Variants in LMOD2 observed in about 807,000 individuals in gnomAD.
LMOD2 encodes leiomodin 2.
LMOD2 carries 27 observed loss-of-function variants against 41.7 expected under a neutral mutation model. The observed-to-expected ratio is 0.65, with a 90% CI of 0.48 to 0.89. The LOEUF is 0.89. Among genes scored for constraint, LMOD2 ranks in the 40% least tolerant of loss-of-function variants. The pLI is 0.00. For missense variants in LMOD2, 624 were observed against 667.9 expected (o/e 0.93, Z 0.72); for synonymous variants, 251 against 244.6 (o/e 1.03, Z -0.25).
rs1802910483 is a variant in LMOD2 at position 123,662,914 on chromosome 7, C to T, written c.1328C>T (p.Pro443Leu). ...PSSQRLPPPP[P>L]PPPPPLPEKK... Reference sequence around the variant, plus strand: ...TCCCAAAGGCTGCCACCACCTCCTCCTCCTCCCCCTCCTCCACTCCCAGAG... The same window carrying T: ...TCCCAAAGGCTGCCACCACCTCCTCTTCCTCCCCCTCCTCCACTCCCAGAG... Residue 443 changes from proline (P) to leucine (L), a missense_variant, in exon 2 of 3, where the codon CCT (proline) becomes CTT (leucine). Pro to Leu is a moderately conservative substitution (Grantham distance 98). Transcript: ENST00000458573. This position sits in a 1 kb window ranked among gnomAD's most constrained non-coding sequence, Gnocchi z 4.0. 5.2e-6 allele frequency: 8 copies of T among 1,553,198 alleles called. No homozygotes were observed. Among genetic ancestry groups the T allele is most frequent in the Non-Finnish European group, 7.0e-6 (8 of 1,148,312 alleles).
At chr7:123,658,163 G>A (rs1166099364) in intron 1 of LMOD2, among the ~76,000 whole-genome samples, 1 of 152,128 alleles carries the variant, frequency 6.6e-6, no homozygotes, top group Admixed American at 6.5e-5. Context: ...CCTGCCAAAG[G>A]TTTTGCTGAT....
Position 123,663,823 on chromosome 7 carries a change from C to A in LMOD2, c.*78C>A, listed in dbSNP as rs148341222. 7 of 1,183,980 alleles carry A rather than the reference C, an allele frequency of 5.9e-6. No individual in the cohort carries two copies. The highest frequency in any genetic ancestry group is 4.4e-5 in the Admixed American group (2 of 45,292). 73.3% of individuals were successfully genotyped at this position (1,183,980 alleles called of 1,614,324 possible). A position where few individuals can be genotyped will look rare whatever the true frequency, so the allele number is the denominator to read the frequency against. On this transcript the variant is annotated 3_prime_UTR_variant, in exon 3 of 3. Transcript: ENST00000458573. ...TGCATTGTGAGATGTTTCTAAAATA[C>A]CTTCTTCAATTCAAAATGATCCCTG...
At position 123,662,071 on chromosome 7, in the gene LMOD2, A is replaced by G; in HGVS notation, c.485A>G (p.Lys162Arg). ...GATAGTGTCAATTCTGACAACTCTAAGCCAAAGATATTTAAAAGTCAAATA... is the reference window on the plus strand; with the variant it reads ...GATAGTGTCAATTCTGACAACTCTAGGCCAAAGATATTTAAAAGTCAAATA... ...NYDSVNSDNS[K>R]PKIFKSQIEN... Residue 162 changes from lysine (K) to arginine (R), a missense_variant, in exon 2 of 3, where the codon AAG becomes AGG. Transcript: ENST00000458573. This position sits in a 1 kb window ranked among gnomAD's most constrained non-coding sequence, Gnocchi z 4.0. The G allele has an allele frequency of 6.2e-7, 1 of 1,605,152 alleles. No individual in the cohort carries two copies. Among genetic ancestry groups the G allele is most frequent in the South Asian group, 1.1e-5 (1 of 89,438 alleles).
intron 2 of LMOD2, chr7:123,663,425 C>A: frequency 1.6e-6 from 1 of 621,384 alleles, no homozygotes; most frequent in Non-Finnish European, 2.8e-6. Context: ...GCCTCTCAAT[C>A]ATATAAGGGC....
chr7:123,661,273 T>A (rs1374664678), intron 1 of LMOD2, among the ~76,000 whole-genome samples: 1 of 152,206 alleles, frequency 6.6e-6, no homozygotes, highest in Non-Finnish European at 1.5e-5. Context: ...GAGGAGCAAA[T>A]GACAGCTCTG....
intron 2 of LMOD2, 122 bp from the exon 3 acceptor site, chr7:123,663,597 T>C (rs1802926795): frequency 5.1e-6 from 4 of 781,042 alleles, no homozygotes; most frequent in Non-Finnish European, 8.4e-6. Context: ...GTAAAAAAAT[T>C]ACCATGCAGC....
rs1441355895 is a variant in LMOD2 at position 123,662,577 on chromosome 7, C to T, written c.991C>T (p.Leu331=). ...GAAGGAGAACACGACGCTGCTGAGG[C>T]TGGGATACCATTTTGAACTCCCAGG... The part of the protein sequence containing the change: ...LLKENTTLLR[L]GYHFELPGPR... Residue 331 remains leucine (L), a synonymous_variant, in exon 2 of 3, where the codon CTG becomes TTG. Transcript: ENST00000458573. The surrounding 1 kb of genome is among the most constrained non-coding windows in gnomAD (Gnocchi z 4.0). 1.9e-6 allele frequency: 3 copies of T among 1,613,848 alleles called. No individual in the cohort carries two copies. The African/African-American group carries it at 4.0e-5, about 22-fold the overall frequency.
Position 123,662,593 on chromosome 7 carries a change from A to G in LMOD2, c.1007A>G (p.Glu336Gly). Residue 336 changes from glutamate to glycine, a missense_variant, in exon 2 of 3, where the codon GAA becomes GGA. Coordinates refer to ENST00000458573, the MANE Select transcript of LMOD2 (RefSeq NM_207163.3). This position sits in a 1 kb window ranked among gnomAD's most constrained non-coding sequence, Gnocchi z 4.0. ...TTLLRLGYHF[E>G]LPGPRMSMTS... ...CTGCTGAGGCTGGGATACCATTTTGAACTCCCAGGACCAAGAATGAGCATG... is the reference window on the plus strand; with the variant it reads ...CTGCTGAGGCTGGGATACCATTTTGGACTCCCAGGACCAAGAATGAGCATG... 6.2e-7 allele frequency: 1 copy of G among 1,613,970 alleles called. No individual in the cohort carries two copies. The highest frequency in any genetic ancestry group is 8.5e-7 in the Non-Finnish European group (1 of 1,179,886).
Position 123,662,950 on chromosome 7 carries a change from T to C in LMOD2, c.1364T>C (p.Ile455Thr), listed in dbSNP as rs1470328287. The part of the protein sequence containing the change: ...PPPPLPEKKL[I>T]TRNIAEVIKQ... ...CCTCCACTCCCAGAGAAAAAGCTCA[T>C]TACCAGAAACATTGCAGAAGTCATC... Residue 455 changes from isoleucine (I) to threonine (T), a missense_variant, in exon 2 of 3, where the codon ATT becomes ACT. Transcript: ENST00000458573. The surrounding 1 kb of genome is among the most constrained non-coding windows in gnomAD (Gnocchi z 4.0). The C allele has an allele frequency of 6.6e-7, 1 of 1,504,152 alleles. No homozygotes were observed. The highest frequency in any genetic ancestry group is 2.0e-5 in the Admixed American group (1 of 48,842). 93.2% of individuals were successfully genotyped at this position (1,504,152 alleles called of 1,614,324 possible).
At chr7:123,660,253 TGCAGCCA>T (rs966183135) in intron 1 of LMOD2, among the ~76,000 whole-genome samples, 7 of 151,942 alleles carry the variant, frequency 4.6e-5, no homozygotes, top group Non-Finnish European at 1.0e-4. Context: ...CATTGTGACT[TGCAGCCA>T]GCTGCCACCA....
rs576989375 is a variant in LMOD2 at position 123,660,174 on chromosome 7, G to A, written c.274-1686G>A. On this transcript the variant is annotated intron_variant, in intron 1 of 2. Coordinates refer to ENST00000458573, the MANE Select transcript of LMOD2 (RefSeq NM_207163.3). ...ATTTGTTTCACTGCTGGACAGGGAA[G>A]GCTTCCTCTCTTCCCTCACGTATGC... Among the ~76,000 whole-genome samples the A allele has an allele frequency of 6.6e-5, 10 of 152,268 alleles. No homozygotes were observed. In the East Asian group the frequency reaches 1.4e-3, roughly 21 times the overall value.
Position 123,662,582 on chromosome 7 carries a change from A to G in LMOD2, c.996A>G (p.Gly332=), listed in dbSNP as rs773989447. 1.8e-5 allele frequency: 29 copies of G among 1,613,852 alleles called. No homozygotes were observed. The highest frequency in any genetic ancestry group is 2.2e-5 in the Non-Finnish European group (26 of 1,179,896). Reference sequence around the variant, plus strand: ...AGAACACGACGCTGCTGAGGCTGGGATACCATTTTGAACTCCCAGGACCAA... The same window carrying G: ...AGAACACGACGCTGCTGAGGCTGGGGTACCATTTTGAACTCCCAGGACCAA... ...LKENTTLLRL[G]YHFELPGPRM... The change falls in exon 2 of 3, where the codon GGA becomes GGG. Residue 332 remains glycine (G), a synonymous_variant. Coordinates refer to ENST00000458573, the MANE Select transcript of LMOD2 (RefSeq NM_207163.3). This position sits in a 1 kb window ranked among gnomAD's most constrained non-coding sequence, Gnocchi z 4.0.
chr7:123,657,479 T>C (rs1006836963), intron 1 of LMOD2, among the ~76,000 whole-genome samples: 2 of 152,164 alleles, frequency 1.3e-5, no homozygotes, highest in African/African-American at 4.8e-5. Flanking sequence ...CACTGGGATC[T>C]GGCCAGGGTC....
At chr7:123,661,063 T>C (rs1382120033) in intron 1 of LMOD2, among the ~76,000 whole-genome samples, 1 of 152,202 alleles carries the variant, frequency 6.6e-6, no homozygotes, top group African/African-American at 2.4e-5. Flanking sequence ...AAGTTGATTT[T>C]CCCAAAAGGG....
intron 1 of LMOD2, among the ~76,000 whole-genome samples, chr7:123,658,302 G>C (rs1294348657): frequency 6.6e-6 from 1 of 152,172 alleles, no homozygotes; most frequent in East Asian, 1.9e-4. Flanking sequence ...TGCCAGGCAT[G>C]ATGAGCAGGA....
chr7:123,661,762 C>A, intron 1 of LMOD2, 98 bp from the exon 2 acceptor site: 1 of 744,956 alleles, frequency 1.3e-6, no homozygotes, highest in Non-Finnish European at 2.1e-6. Context: ...TTATTATAAA[C>A]TTATGTCACT....
intron 1 of LMOD2, among the ~76,000 whole-genome samples, chr7:123,657,117 G>T (rs185837320): frequency 6.6e-6 from 1 of 152,238 alleles, no homozygotes; most frequent in Non-Finnish European, 1.5e-5. Context: ...GGCCTATAAA[G>T]CTCTTGTGTA....
chr7:123,659,455 C>G (rs981036294), intron 1 of LMOD2, among the ~76,000 whole-genome samples: 1 of 152,174 alleles, frequency 6.6e-6, no homozygotes, highest in Admixed American at 6.5e-5. Context: ...CCTAGGGTGA[C>G]TAATCATCTC....
In LMOD2 at chr7:123,663,907, G is replaced by T; in HGVS notation, c.*162G>T. ...GAGAATCTTAAGAAACAATCAGCAT[G>T]TTTCTTCTGTAAATATGAAAATAAA... is the stretch of plus-strand genomic sequence containing the variant. On this transcript the variant is annotated 3_prime_UTR_variant, in exon 3 of 3. Coordinates refer to ENST00000458573, the MANE Select transcript of LMOD2 (RefSeq NM_207163.3). The T allele has an allele frequency of 1.7e-6, 1 of 605,972 alleles. No homozygotes were observed. The allele number at this position is 605,972 out of a possible 1,614,324, so 37.5% of individuals were successfully genotyped here.
Sources: allele counts gnomAD v4.1 joint callset (sites outside exome capture counted in the v4.1 genomes callset), GRCh38; gene constraint gnomAD v4.1.1; non-coding constraint Gnocchi (gnomAD v3.1); transcripts MANE v1.5; gene names NCBI Gene and HGNC (gene_info 2026-07-23, HGNC 2026-07-21).